The following ASMT variants were observed in gnomAD, a reference collection of about 807,000 sequenced individuals.
ASMT encodes acetylserotonin N-methyltransferase.
In ASMT, 53 loss-of-function variants were observed where a neutral mutation model predicts 41.3. The observed-to-expected ratio is 1.28, with a 90% CI of 1.03 to 1.61. ASMT has a LOEUF of 1.61. Ranked by LOEUF, ASMT falls within the 40% of genes most tolerant of loss-of-function variation. The pLI is 0.00. For missense variants in ASMT, 531 were observed against 441.3 expected, an observed-to-expected ratio of 1.20 and a Z score of -1.82; for synonymous variants, 231 against 184.8, an observed-to-expected ratio of 1.25 and a Z score of -2.03.
chrX:1,636,635 A>C, intron 8 of ASMT, 75 bp downstream of exon 8: 1 of 1,610,916 alleles, frequency 6.2e-7, no homozygotes, highest in Non-Finnish European at 8.5e-7. Context: ...TTTAGAAGGC[A>C]GGCACTGAAA....
chrX:1,633,033 A>G, intron 6 of ASMT, 117 bp from the exon 7 acceptor site: 3 of 1,159,990 alleles, frequency 2.6e-6, no homozygotes, highest in South Asian at 1.2e-5. Flanking sequence ...AAGACCAGAC[A>G]TGGCGGAAGG....
intron 5 of ASMT, 124 bp downstream of exon 5, chrX:1,630,063 G>A (rs1934714487): frequency 1.1e-6 from 1 of 909,102 alleles, no homozygotes; most frequent in Non-Finnish European, 1.9e-6. Flanking sequence ...ACTGGTCTTA[G>A]AGGAATCATT....
At chrX:1,628,917 C>T (rs185604823) in intron 4 of ASMT, among the ~76,000 whole-genome samples, 2,404 of 133,726 alleles carry the variant, frequency 0.018, 39 homozygotes, top group South Asian at 0.03. Flanking sequence ...TCCTTTCCCC[C>T]GTTTCTCTCT....
In ASMT at chrX:1,635,643, C is replaced by T. The variant is rs182453959; in HGVS notation, c.788-795C>T. On this transcript the variant is annotated intron_variant, in intron 7 of 8. Transcript: ENST00000381241. ...TTGGGAGGCCGAGGCGGGCGGATCACCTCAGGTTGGGGGTTCGAGACCAGC... is the reference window on the plus strand; with the variant it reads ...TTGGGAGGCCGAGGCGGGCGGATCATCTCAGGTTGGGGGTTCGAGACCAGC... Among the ~76,000 whole-genome samples the T allele has an allele frequency of 3.4e-3, 515 of 152,086 alleles. 3 individuals are homozygous for T. The highest frequency in any genetic ancestry group is 6.8e-3 in the Middle Eastern group (2 of 292).
intron 1 of ASMT, among the ~76,000 whole-genome samples, chrX:1,619,789 TA>T (rs1159249170): frequency 6.6e-6 from 1 of 151,674 alleles, no homozygotes; most frequent in African/African-American, 2.4e-5. Flanking sequence ...AACAGAACGC[TA>T]ATTTAAAAAG....
intron 5 of ASMT, among the ~76,000 whole-genome samples, chrX:1,630,300 A>ATTTTTT (rs36011956): frequency 1.4e-5 from 1 of 71,098 alleles, no homozygotes. Flanking sequence ...CACCAGGCTA[A>ATTTTTT]TTTTTTTTTT....
intron 1 of ASMT, among the ~76,000 whole-genome samples, chrX:1,616,864 A>G (rs1435690730): frequency 1.5e-4 from 22 of 151,352 alleles, no homozygotes; most frequent in South Asian, 2.1e-4. Context: ...ACCCGCCACC[A>G]CGCCCGGCTA....
At chrX:1,641,515 C>CCT (rs1322860759) in intron 8 of ASMT, among the ~76,000 whole-genome samples, 1 of 148,354 alleles carries the variant, frequency 6.7e-6, no homozygotes, top group African/African-American at 2.5e-5. Flanking sequence ...GTGAGCACAG[C>CCT]CTCTGTGTGT....
At chrX:1,619,199 G>T (rs777305462) in intron 1 of ASMT, among the ~76,000 whole-genome samples, 66 of 152,034 alleles carry the variant, frequency 4.3e-4, no homozygotes, top group East Asian at 7.7e-4. Context: ...TTCGAGACCA[G>T]CCTGGCCAAT....
intron 8 of ASMT, among the ~76,000 whole-genome samples, chrX:1,640,968 GC>G (rs1478583627): frequency 2.4e-3 from 13 of 5,344 alleles, no homozygotes; most frequent in Non-Finnish European, 3.2e-3. Flanking sequence ...CCATGTCCCA[GC>G]TCTCCTGTGA....
intron 7 of ASMT, chrX:1,636,168 A>G (rs1934953712): frequency 8.4e-6 from 4 of 477,482 alleles, no homozygotes; most frequent in African/African-American, 2.0e-5. Context: ...CGTGTTAGCC[A>G]GGATGGTCTT....
At position 1,636,661 on chromosome X, in the gene ASMT, G is replaced by C. The variant is rs1163498736; in HGVS notation, c.910+101G>C. ...GGCACTGAAATCATCCCACAGGTAA[G>C]GGTAGACATCCTGCCCAATATGGCT... On this transcript the variant is annotated intron_variant, in intron 8 of 8. Coordinates refer to ENST00000381241, the MANE Select transcript of ASMT (RefSeq NM_001171038.2). 5.1e-6 allele frequency: 8 copies of C among 1,581,758 alleles called. No homozygotes were observed. The Admixed American group carries it at 8.3e-5, about 16-fold the overall frequency.
At chrX:1,634,670 T>C (rs1436990627) in intron 7 of ASMT, among the ~76,000 whole-genome samples, 1 of 147,408 alleles carries the variant, frequency 6.8e-6, no homozygotes, top group Non-Finnish European at 1.5e-5. Context: ...CCCTTTTTTT[T>C]TCTTGTTTTT....
chrX:1,619,124 A>G (rs377387162), intron 1 of ASMT, among the ~76,000 whole-genome samples: 34 of 152,246 alleles, frequency 2.2e-4, no homozygotes, highest in African/African-American at 7.2e-4. Flanking sequence ...GGCCAGGCAC[A>G]GTGGCTCACG....
At chrX:1,630,637 G>A (rs1439136686) in intron 5 of ASMT, among the ~76,000 whole-genome samples, 2 of 151,536 alleles carry the variant, frequency 1.3e-5, no homozygotes, top group African/African-American at 4.8e-5. Context: ...GCTCACTGCA[G>A]CCTCAGACTC....
Position 1,630,366 on chromosome X carries a change from C to G in ASMT, c.562+427C>G, listed in dbSNP as rs1201622240. On this transcript the variant is annotated intron_variant, in intron 5 of 8. Transcript: ENST00000381241. ...TGTCGCCCAGGCTGGAGTGCAGTGG[C>G]ACGATCTCGGCTCACCGCAACCTCC... Among the ~76,000 whole-genome samples, 11 of 136,768 alleles carry G rather than the reference C, an allele frequency of 8.0e-5. No individual in the cohort carries two copies. The South Asian group carries it at 1.2e-3, about 15-fold the overall frequency. 89.7% of individuals were successfully genotyped at this position (136,768 alleles called of 152,430 possible). A position where few individuals can be genotyped will look rare whatever the true frequency, so the allele number is the denominator to read the frequency against.
chrX:1,619,678 A>AAC (rs1215270555), intron 1 of ASMT, among the ~76,000 whole-genome samples: 9 of 151,374 alleles, frequency 5.9e-5, no homozygotes, highest in Non-Finnish European at 1.2e-4. Context: ...ACCAAGGGTG[A>AAC]ACTCAGCCAT....
chrX:1,642,570 C>T (rs1474889794), intron 8 of ASMT, among the ~76,000 whole-genome samples: 1 of 151,456 alleles, frequency 6.6e-6, no homozygotes, highest in African/African-American at 2.4e-5. Context: ...CCTGATGGTT[C>T]ATGAGGACAT....
chrX:1,641,563 A>G (rs1483922705), intron 8 of ASMT, among the ~76,000 whole-genome samples: 4 of 146,864 alleles, frequency 2.7e-5, no homozygotes, highest in African/African-American at 1.0e-4. Flanking sequence ...TGTGAGGTCC[A>G]CCCATCCTGA....
Sources: allele counts gnomAD v4.1 joint callset (sites outside exome capture counted in the v4.1 genomes callset), GRCh38; gene constraint gnomAD v4.1.1; transcripts MANE v1.5; gene names NCBI Gene and HGNC (gene_info 2026-07-23, HGNC 2026-07-21).